Variants in DEFB123 observed in about 807,000 individuals in gnomAD.
The protein encoded by DEFB123 is defensin beta 123.
For synonymous variants in DEFB123, 22 were observed against 28.3 expected (o/e 0.78, Z 0.71); for missense variants, 71 against 75.0 (o/e 0.95, Z 0.20).
chr20:31,445,166 C>G (rs575132793), intron 1 of DEFB123, among the ~76,000 whole-genome samples: 1 of 152,332 alleles, frequency 6.6e-6, no homozygotes, highest in Non-Finnish European at 1.5e-5. Flanking sequence ...TGCAAATCAG[C>G]ACCTGTATCC....
chr20:31,445,840 C>A (rs1314161083), intron 1 of DEFB123, among the ~76,000 whole-genome samples: 1 of 152,166 alleles, frequency 6.6e-6, no homozygotes, highest in Admixed American at 6.5e-5. Flanking sequence ...CGCACCCGGC[C>A]GACGAAATAA....
At chr20:31,443,574 ACT>A (rs1438681581) in intron 1 of DEFB123, among the ~76,000 whole-genome samples, 1 of 151,956 alleles carries the variant, frequency 6.6e-6, no homozygotes, top group Non-Finnish European at 1.5e-5. Flanking sequence ...ATAGCAAGAG[ACT>A]CTCTTGCCCC....
chr20:31,447,932 G>C (rs562705179), intron 1 of DEFB123, among the ~76,000 whole-genome samples: 1 of 151,774 alleles, frequency 6.6e-6, no homozygotes, highest in Non-Finnish European at 1.5e-5. Flanking sequence ...GATTACAGGC[G>C]CCTGCCACCA....
chr20:31,443,295 G>T (rs908181065), intron 1 of DEFB123, among the ~76,000 whole-genome samples: 2 of 152,112 alleles, frequency 1.3e-5, no homozygotes, highest in African/African-American at 4.8e-5. Context: ...CTCTTGGCAG[G>T]TCCCTCACTG....
At chr20:31,447,921 G>C (rs1433690157) in intron 1 of DEFB123, among the ~76,000 whole-genome samples, 2 of 151,498 alleles carry the variant, frequency 1.3e-5, no homozygotes, top group Non-Finnish European at 2.9e-5. Flanking sequence ...CAAGTAGCTG[G>C]GATTACAGGC....
intron 1 of DEFB123, among the ~76,000 whole-genome samples, chr20:31,447,036 G>A (rs1006080303): frequency 6.6e-6 from 1 of 151,782 alleles, no homozygotes; most frequent in Non-Finnish European, 1.5e-5. Flanking sequence ...GCCGAGGCGG[G>A]TGGATCACCT....
chr20:31,449,938 C>T lies in DEFB123; in HGVS notation c.59-91C>T. 4 of 1,424,398 alleles carry T rather than the reference C, an allele frequency of 2.8e-6. No homozygotes were observed. In the South Asian group the frequency reaches 6.1e-5, roughly 22 times the overall value. 88.2% of individuals were successfully genotyped at this position (1,424,398 alleles called of 1,614,324 possible). The stretch of plus-strand genomic sequence containing the variant: ...GCAAGGGAAACAAGGGACCTTCTAT[C>T]TCATCTGTTTCCATTCTTTTACAGA... On this transcript the variant is annotated intron_variant, in intron 1 of 1. Coordinates refer to ENST00000376309, the MANE Select transcript of DEFB123 (RefSeq NM_153324.4).
At chr20:31,446,953 A>G (rs1224357138) in intron 1 of DEFB123, among the ~76,000 whole-genome samples, 3 of 150,688 alleles carry the variant, frequency 2.0e-5, no homozygotes, top group African/African-American at 7.3e-5. Flanking sequence ...TCTCAAAAAA[A>G]AAAAAAACAA....
intron 1 of DEFB123, among the ~76,000 whole-genome samples, 192 bp downstream of exon 1, chr20:31,440,948 T>C (rs1269855545): frequency 1.3e-5 from 2 of 152,124 alleles, no homozygotes; most frequent in East Asian, 1.9e-4. Flanking sequence ...TCTCAGCGGC[T>C]CCATCCCTCC....
intron 1 of DEFB123, among the ~76,000 whole-genome samples, chr20:31,444,954 A>G (rs1245640874): frequency 2.0e-5 from 3 of 152,178 alleles, no homozygotes; most frequent in East Asian, 1.9e-4. Flanking sequence ...TAGACACCCT[A>G]TTTATACTGT....
intron 1 of DEFB123, among the ~76,000 whole-genome samples, chr20:31,442,302 G>A (rs1446375397): frequency 6.6e-6 from 1 of 152,180 alleles, no homozygotes; most frequent in Non-Finnish European, 1.5e-5. Context: ...TCCTGGGATA[G>A]TATCTGGTTA....
At chr20:31,449,971 A>C (rs1979695630) in intron 1 of DEFB123, 58 bp from the exon 2 acceptor site, 20 of 1,516,694 alleles carry the variant, frequency 1.3e-5, no homozygotes, top group Non-Finnish European at 1.8e-5. Context: ...AGACCTTTCA[A>C]ATCCGGAGCC....
At chr20:31,442,808 A>C (rs1355423176) in intron 1 of DEFB123, among the ~76,000 whole-genome samples, 1 of 152,040 alleles carries the variant, frequency 6.6e-6, no homozygotes, top group Non-Finnish European at 1.5e-5. Flanking sequence ...CGGTTTGGCC[A>C]TGTTGCCCAG....
At chr20:31,449,135 C>T (rs2122420327) in intron 1 of DEFB123, among the ~76,000 whole-genome samples, 1 of 151,886 alleles carries the variant, frequency 6.6e-6, no homozygotes, top group East Asian at 1.9e-4. Context: ...TCCTTGTCTG[C>T]TAGTTTCATC....
intron 1 of DEFB123, among the ~76,000 whole-genome samples, chr20:31,448,170 C>T (rs1979640454): frequency 6.6e-6 from 1 of 152,092 alleles, no homozygotes; most frequent in African/African-American, 2.4e-5. Context: ...CCATCTCAGC[C>T]TCCCAAAGTG....
At chr20:31,448,919 G>A (rs1979663701) in intron 1 of DEFB123, among the ~76,000 whole-genome samples, 1 of 149,792 alleles carries the variant, frequency 6.7e-6, no homozygotes, top group South Asian at 2.1e-4. Context: ...GTAGAGATGG[G>A]GTTTCTCCAC....
intron 1 of DEFB123, among the ~76,000 whole-genome samples, chr20:31,442,065 G>A (rs1328422599): frequency 2.0e-5 from 3 of 152,180 alleles, no homozygotes; most frequent in Non-Finnish European, 4.4e-5. Flanking sequence ...GTGGTGGGAG[G>A]AGCAGGACTA....
At chr20:31,447,511 T>C (rs923402223) in intron 1 of DEFB123, among the ~76,000 whole-genome samples, 8 of 152,100 alleles carry the variant, frequency 5.3e-5, no homozygotes, top group Non-Finnish European at 1.0e-4. Flanking sequence ...TTTTAGAATA[T>C]TTTTCCTCTG....
chr20:31,448,268 G>C (rs1385605559), intron 1 of DEFB123, among the ~76,000 whole-genome samples: 1 of 151,890 alleles, frequency 6.6e-6, no homozygotes, highest in Non-Finnish European at 1.5e-5. Flanking sequence ...TTTTCTTCTG[G>C]CTTTTTAAAG....
Sources: allele counts gnomAD v4.1 joint callset (sites outside exome capture counted in the v4.1 genomes callset), GRCh38; gene constraint gnomAD v4.1.1; transcripts MANE v1.5; gene names NCBI Gene and HGNC (gene_info 2026-07-23, HGNC 2026-07-21).